CNTNAP5: variants seen among roughly 807,000 people sequenced by gnomAD.
CNTNAP5 encodes the protein contactin associated protein family member 5.
In CNTNAP5, 72 loss-of-function variants were observed where a neutral mutation model predicts 150.2. The observed-to-expected ratio is 0.48, with a 90% CI of 0.40 to 0.58. The LOEUF is 0.58. Ranked by LOEUF, CNTNAP5 falls within the 20% of genes least tolerant of loss-of-function variation. The pLI is 0.00. For missense variants in CNTNAP5, 1,636 were observed against 1,626.2 expected, an observed-to-expected ratio of 1.01 and a Z score of -0.10; for synonymous variants, 672 against 619.8, an observed-to-expected ratio of 1.08 and a Z score of -1.25.
chr2:124,551,500 A>G (rs1695627480), intron 10 of CNTNAP5, among the ~76,000 whole-genome samples: 1 of 152,204 alleles, frequency 6.6e-6, no homozygotes, highest in African/African-American at 2.4e-5. Context: ...TAATTAAAGC[A>G]AACAGACAAA....
chr2:124,759,965 T>TA (rs1558764814), intron 14 of CNTNAP5, among the ~76,000 whole-genome samples: 2 of 102,620 alleles, frequency 1.9e-5, no homozygotes, highest in Admixed American at 1.1e-4. Flanking sequence ...TTTTTTTTTT[T>TA]AAATCTGGAA....
chr2:124,794,448 A>G (rs1479570950), intron 18 of CNTNAP5, among the ~76,000 whole-genome samples: 1 of 152,228 alleles, frequency 6.6e-6, no homozygotes, highest in Non-Finnish European at 1.5e-5. Flanking sequence ...CTTCTTATTG[A>G]TTGAAATTTT....
At chr2:124,427,942 G>T (rs1368534865) in intron 4 of CNTNAP5, among the ~76,000 whole-genome samples, 1 of 152,052 alleles carries the variant, frequency 6.6e-6, no homozygotes, top group Non-Finnish European at 1.5e-5. Context: ...CCACACCCAG[G>T]TTTTTATTCC....
chr2:124,714,444 G>C (rs192514877), intron 13 of CNTNAP5, among the ~76,000 whole-genome samples: 1 of 152,050 alleles, frequency 6.6e-6, no homozygotes, highest in Non-Finnish European at 1.5e-5. Context: ...ATGAAAACTA[G>C]CCCTTCAGTT....
intron 19 of CNTNAP5, among the ~76,000 whole-genome samples, chr2:124,828,735 CAAAAAAAAAAAAAAAAAAAAA>C (rs60339676): frequency 4.5e-3 from 103 of 23,110 alleles, no homozygotes; most frequent in Admixed American, 6.0e-3. Context: ...CAAGTGTTGG[CAAAAAAAAAAAAAAAAAAAAA>C]AAAAAAAAAA....
intron 21 of CNTNAP5, among the ~76,000 whole-genome samples, chr2:124,883,970 C>G (rs2104740886): frequency 6.6e-6 from 1 of 152,096 alleles, no homozygotes; most frequent in Admixed American, 6.5e-5. Context: ...ATGTTTCTTT[C>G]TGTATAGTGT....
intron 17 of CNTNAP5, among the ~76,000 whole-genome samples, chr2:124,776,437 G>A (rs968730598): frequency 3.9e-5 from 6 of 152,136 alleles, no homozygotes; most frequent in African/African-American, 1.4e-4. Flanking sequence ...TTCCAGGCTG[G>A]AAGGGAATTA....
intron 3 of CNTNAP5, among the ~76,000 whole-genome samples, chr2:124,391,695 C>T (rs963644780): frequency 6.6e-6 from 1 of 152,222 alleles, no homozygotes; most frequent in African/African-American, 2.4e-5. Context: ...CTGGCTCACG[C>T]CTGTAATCCC....
intron 3 of CNTNAP5, among the ~76,000 whole-genome samples, chr2:124,328,429 C>A (rs903371689): frequency 6.6e-6 from 1 of 152,182 alleles, no homozygotes; most frequent in Non-Finnish European, 1.5e-5. Flanking sequence ...TCATTCAATT[C>A]TTGAACTCAT....
intron 13 of CNTNAP5, among the ~76,000 whole-genome samples, chr2:124,721,156 C>T (rs1680040176): frequency 6.6e-6 from 1 of 152,114 alleles, no homozygotes; most frequent in Non-Finnish European, 1.5e-5. Context: ...TCAGAACTGA[C>T]CAGCAGATTT....
chr2:124,720,139 C>T (rs568801171), intron 13 of CNTNAP5, among the ~76,000 whole-genome samples: 1 of 152,284 alleles, frequency 6.6e-6, no homozygotes, highest in African/African-American at 2.4e-5. Flanking sequence ...GTCCCTCCAT[C>T]ATCCCAGCAT....
intron 4 of CNTNAP5, among the ~76,000 whole-genome samples, chr2:124,422,216 CT>C (rs1692121935): frequency 6.6e-6 from 1 of 152,128 alleles, no homozygotes; most frequent in Non-Finnish European, 1.5e-5. Flanking sequence ...TTTCTATGGG[CT>C]TAATAATTTT....
At chr2:124,381,532 A>AC (rs562851139) in intron 3 of CNTNAP5, among the ~76,000 whole-genome samples, 84 of 150,154 alleles carry the variant, frequency 5.6e-4, no homozygotes, top group East Asian at 1.6e-3. Flanking sequence ...TGATAGGATC[A>AC]CCCCCCCCTC....
At chr2:124,543,763 G>A (rs187130954) in intron 10 of CNTNAP5, among the ~76,000 whole-genome samples, 9 of 152,120 alleles carry the variant, frequency 5.9e-5, no homozygotes, top group Admixed American at 1.3e-4. Flanking sequence ...CTGTAGCATC[G>A]TCAAATGTAG....
chr2:124,274,516 G>A (rs549879219), intron 3 of CNTNAP5, among the ~76,000 whole-genome samples: 5 of 152,190 alleles, frequency 3.3e-5, no homozygotes, highest in Admixed American at 3.3e-4. Flanking sequence ...GCTGGCCAGG[G>A]AATGGAGAAG....
chr2:124,785,976 C>T (rs1202782746), intron 17 of CNTNAP5, among the ~76,000 whole-genome samples: 3 of 152,150 alleles, frequency 2.0e-5, no homozygotes, highest in African/African-American at 7.2e-5. Context: ...TGGTTCACAC[C>T]TGTAATCCCA....
chr2:124,190,363 C>A (rs1685430477), intron 1 of CNTNAP5, among the ~76,000 whole-genome samples: 1 of 151,998 alleles, frequency 6.6e-6, no homozygotes, highest in African/African-American at 2.4e-5. Flanking sequence ...GCTAAAGGTT[C>A]CATTAGGGAG....
At chr2:124,816,569 T>C (rs767823335) in intron 19 of CNTNAP5, among the ~76,000 whole-genome samples, 4 of 149,682 alleles carry the variant, frequency 2.7e-5, no homozygotes, top group Admixed American at 6.7e-5. Context: ...CCTCCATCTC[T>C]GGGGTTCAAG....
At chr2:124,420,645 T>A (rs777446343) in intron 4 of CNTNAP5, among the ~76,000 whole-genome samples, 6 of 152,192 alleles carry the variant, frequency 3.9e-5, no homozygotes, top group Non-Finnish European at 7.3e-5. Context: ...GTAATCTGAA[T>A]GGACCTAATT....
Sources: allele counts gnomAD v4.1 joint callset (sites outside exome capture counted in the v4.1 genomes callset), GRCh38; gene constraint gnomAD v4.1.1; transcripts MANE v1.5; gene names NCBI Gene and HGNC (gene_info 2026-07-23, HGNC 2026-07-21).